Variants in LINGO3 observed in about 807,000 individuals in gnomAD.
The protein encoded by LINGO3 is leucine rich repeat and Ig domain containing 3.
For synonymous variants in LINGO3, 427 were observed against 444.2 expected, an observed-to-expected ratio of 0.96 and a Z score of 0.49; for missense variants, 750 against 867.7, an observed-to-expected ratio of 0.86 and a Z score of 1.70.
At chr19:2,291,130 T>C in exon 1 of LINGO3, 1 of 1,607,846 alleles carries the variant, frequency 6.2e-7, no homozygotes, top group Non-Finnish European at 8.5e-7. Context: ...GCGGAAGTTC[T>C]GGTCCTCCAG....
At chr19:2,300,207 G>T in the LINGO3 span, among the ~76,000 whole-genome samples, 149,855 of 151,608 alleles carry the variant, frequency 0.99, 74,068 homozygotes, top group Middle Eastern at 1. Flanking sequence ...CATTTTTGTA[G>T]TTTTAGTAGA....
chr19:2,301,209 G>A, the LINGO3 span, among the ~76,000 whole-genome samples: 2 of 152,108 alleles, frequency 1.3e-5, no homozygotes, highest in Non-Finnish European at 2.9e-5. Context: ...ACCGTCTGCC[G>A]GGTCAGGAGT....
upstream of LINGO3, among the ~76,000 whole-genome samples, chr19:2,293,759 G>T (rs990439187): frequency 6.7e-6 from 1 of 150,046 alleles, no homozygotes; most frequent in Non-Finnish European, 1.5e-5. Context: ...CTGTGTTCCC[G>T]CAAATGTTCA....
upstream of LINGO3, among the ~76,000 whole-genome samples, chr19:2,295,923 G>A (rs2025567666): frequency 1.3e-5 from 2 of 151,818 alleles, 1 homozygote; most frequent in Admixed American, 1.3e-4. Flanking sequence ...AGGGGCCCCT[G>A]GTTCCCAGGA....
chr19:2,291,048 C>T (rs1378583610), exon 1 of LINGO3: 1 of 1,610,264 alleles, frequency 6.2e-7, no homozygotes, highest in East Asian at 2.2e-5. Context: ...TCAGGCCCCG[C>T]AGGCTGCCCG....
upstream of LINGO3, among the ~76,000 whole-genome samples, chr19:2,296,050 C>T (rs2025568757): frequency 6.6e-6 from 1 of 152,190 alleles, no homozygotes; most frequent in African/African-American, 2.4e-5. Context: ...TTAATCCCAA[C>T]CTGGGCATGT....
chr19:2,297,097 A>C, the LINGO3 span, among the ~76,000 whole-genome samples: 1 of 151,570 alleles, frequency 6.6e-6, no homozygotes, highest in African/African-American at 2.4e-5. Flanking sequence ...GTCTCAAAAA[A>C]AAATAAAAAA....
the LINGO3 span, among the ~76,000 whole-genome samples, chr19:2,306,160 G>A: frequency 6.6e-6 from 1 of 152,208 alleles, no homozygotes; most frequent in Non-Finnish European, 1.5e-5. Context: ...CCCTGACTAG[G>A]GGGAATAATA....
chr19:2,290,731 AC>A lies in LINGO3; in HGVS notation c.1045del (p.Val349TrpfsTer94). 1.2e-6 allele frequency: 2 copies of A among 1,612,548 alleles called. No homozygotes were observed. The highest frequency in any genetic ancestry group is 1.7e-6 in the Non-Finnish European group (2 of 1,179,598). The stretch of plus-strand genomic sequence containing the variant: ...GTCGCAGGCCAGCGGGTTCCCGTCC[AC>A]GCGCAGCGTCTCTAGCGTGTTCACC... On this transcript the variant is annotated frameshift_variant, in exon 1 of 1. Coordinates refer to ENST00000585527, the Ensembl canonical transcript of LINGO3. LOFTEE classifies it low-confidence loss of function (END_TRUNC). This position sits in a 1 kb window ranked among gnomAD's most constrained non-coding sequence, Gnocchi z 6.0.
upstream of LINGO3, among the ~76,000 whole-genome samples, chr19:2,295,802 CAT>C (rs1358127712): frequency 3.3e-5 from 5 of 152,222 alleles, no homozygotes; most frequent in Admixed American, 1.3e-4. Context: ...GGACAGGACA[CAT>C]ATGTACAGAT....
chr19:2,304,528 T>C, the LINGO3 span, among the ~76,000 whole-genome samples: 1 of 151,620 alleles, frequency 6.6e-6, no homozygotes, highest in East Asian at 1.9e-4. Flanking sequence ...TCTCACAGGG[T>C]CCTCACGAGA....
chr19:2,302,678 G>T, the LINGO3 span, among the ~76,000 whole-genome samples: 1 of 152,250 alleles, frequency 6.6e-6, no homozygotes, highest in African/African-American at 2.4e-5. Flanking sequence ...CTGGGGGAGC[G>T]CGGCGTCGAC....
the LINGO3 span, among the ~76,000 whole-genome samples, chr19:2,308,142 A>AGCAGCC: frequency 4.3e-5 from 6 of 139,672 alleles, no homozygotes; most frequent in African/African-American, 5.2e-5. Flanking sequence ...CGACACGAGC[A>AGCAGCC]GCCGCCGCCG....
At chr19:2,307,100 C>T in the LINGO3 span, among the ~76,000 whole-genome samples, 107 of 152,248 alleles carry the variant, frequency 7.0e-4, no homozygotes, top group Admixed American at 2.5e-3. Flanking sequence ...CTGAAGGCTC[C>T]CCCCAGCCAA....
chr19:2,292,741 C>T (rs1204002728), upstream of LINGO3, among the ~76,000 whole-genome samples: 5 of 152,054 alleles, frequency 3.3e-5, no homozygotes, highest in African/African-American at 9.7e-5. Flanking sequence ...CCACCTGCCT[C>T]CGCCTCCCAA....
upstream of LINGO3, among the ~76,000 whole-genome samples, chr19:2,293,669 C>G (rs904659862): frequency 6.6e-6 from 1 of 151,386 alleles, no homozygotes; most frequent in Non-Finnish European, 1.5e-5. Context: ...CGTGTGATCT[C>G]ATTTCTATGA....
upstream of LINGO3, among the ~76,000 whole-genome samples, chr19:2,296,885 G>C (rs1009472245): frequency 6.0e-5 from 9 of 149,956 alleles, no homozygotes; most frequent in Admixed American, 4.7e-4. Context: ...TCAGGAGATC[G>C]AGACCATCCT....
the LINGO3 span, among the ~76,000 whole-genome samples, chr19:2,301,564 C>T: frequency 1.4e-3 from 218 of 152,188 alleles, no homozygotes; most frequent in Middle Eastern, 0.014. Context: ...CTGTTTTACA[C>T]GGGGAGGCGG....
At chr19:2,305,918 G>T in the LINGO3 span, among the ~76,000 whole-genome samples, 1 of 152,228 alleles carries the variant, frequency 6.6e-6, no homozygotes, top group African/African-American at 2.4e-5. Flanking sequence ...CTCTGCCCTA[G>T]ATCCAGGCCC....
Sources: gnomAD v4.1 joint callset for allele counts (sites outside exome capture counted in the v4.1 genomes callset) on GRCh38, gnomAD v4.1.1 for gene constraint, Gnocchi (gnomAD v3.1) non-coding constraint, MANE v1.5 for transcripts, NCBI Gene and HGNC (gene_info 2026-07-23, HGNC 2026-07-21) for gene names.